EDF1: variants seen among roughly 807,000 people sequenced by gnomAD.
The protein encoded by EDF1 is endothelial differentiation related factor 1, also known as endothelial differentiation-related factor 1.
EDF1 carries 5 observed loss-of-function variants against 20.8 expected under a neutral mutation model. The ratio of observed to expected loss-of-function variants is 0.24; its 90% CI spans 0.13 to 0.51. The LOEUF (loss-of-function observed/expected upper bound fraction) is 0.51, where lower values mean the gene tolerates loss of function less well. Among genes scored for constraint, EDF1 ranks in the 20% least tolerant of loss-of-function variants. The pLI is 0.97. For missense variants in EDF1, 137 were observed against 197.8 expected, an observed-to-expected ratio of 0.69 and a Z score of 1.84; for synonymous variants, 96 against 78.5, an observed-to-expected ratio of 1.22 and a Z score of -1.18.
Position 136,866,284 on chromosome 9 carries a change from G to C in EDF1, c.-26C>G, listed in dbSNP as rs771534389. ...GGCGGGCGAAGACGAGCGTCCGTCC[G>C]GCGGCTCAGCGGCAGCTGCTAGAGA... On this transcript the variant is annotated 5_prime_UTR_variant, in exon 1 of 5. Transcript: ENST00000224073. 4.4e-6 allele frequency: 7 copies of C among 1,592,286 alleles called. No homozygotes were observed. Among genetic ancestry groups the C allele is most frequent in the East Asian group, 2.3e-5 (1 of 42,872 alleles).
At chr9:136,864,385 G>T (rs149268816) in intron 1 of EDF1, among the ~76,000 whole-genome samples, 1 of 151,174 alleles carries the variant, frequency 6.6e-6, no homozygotes, top group Non-Finnish European at 1.5e-5. Flanking sequence ...TAGCTGGTAT[G>T]CGTTAGTGGA....
chr9:136,863,152 C>T lies in EDF1; in HGVS notation c.291+136G>A. On this transcript the variant is annotated intron_variant, in intron 3 of 4. Coordinates refer to ENST00000224073, the MANE Select transcript of EDF1 (RefSeq NM_003792.4). This position sits in a 1 kb window ranked among gnomAD's most constrained non-coding sequence, Gnocchi z 4.5. ...TGTGCGAGAGGCAGTGAGAGCCGGG[C>T]TGACCTGGCTTCCCGAGGCATTCCC... 6.6e-7 allele frequency: 1 copy of T among 1,513,296 alleles called. No individual in the cohort carries two copies. The highest frequency in any genetic ancestry group is 9.0e-7 in the Non-Finnish European group (1 of 1,115,744). The allele number at this position is 1,513,296 out of a possible 1,614,324, so 93.7% of individuals were successfully genotyped here.
Position 136,862,441 on chromosome 9 carries a change from C to T in EDF1, c.386-96G>A, listed in dbSNP as rs762408652. On this transcript the variant is annotated intron_variant, in intron 4 of 4. Coordinates refer to ENST00000224073, the MANE Select transcript of EDF1 (RefSeq NM_003792.4). This position sits in a 1 kb window ranked among gnomAD's most constrained non-coding sequence, Gnocchi z 4.1. The stretch of plus-strand genomic sequence containing the variant: ...ACATCTTCCCAGGGAAGGGGGGCCA[C>T]GCCGCTCCCGTGCCTCACTGGGCTC... 80 of 1,613,484 alleles carry T rather than the reference C, an allele frequency of 5.0e-5. 1 individual carries two copies. In the South Asian group the frequency reaches 7.6e-4, roughly 15 times the overall value.
Position 136,862,899 on chromosome 9 carries a change from C to T in EDF1, c.385+7G>A, listed in dbSNP as rs199674371. On this transcript the variant is annotated splice_region_variant and intron_variant, in intron 4 of 4. Coordinates refer to ENST00000224073, the MANE Select transcript of EDF1 (RefSeq NM_003792.4). The surrounding 1 kb of genome is among the most constrained non-coding windows in gnomAD (Gnocchi z 4.1). Reference sequence around the variant, plus strand: ...GCGGACCCGGCGAAGGGTGGAGGGACACTCACCAATGGCCCGCTCGATTTT... The same window carrying T: ...GCGGACCCGGCGAAGGGTGGAGGGATACTCACCAATGGCCCGCTCGATTTT... 3.1e-6 allele frequency: 5 copies of T among 1,613,368 alleles called. No individual in the cohort carries two copies. In the African/African-American group the frequency reaches 6.7e-5, roughly 21 times the overall value.
chr9:136,863,129 T>G lies in EDF1; in HGVS notation c.292-130A>C. The G allele has an allele frequency of 2.0e-6, 3 of 1,516,970 alleles. No homozygotes were observed. The highest frequency in any genetic ancestry group is 2.7e-6 in the Non-Finnish European group (3 of 1,111,670). 94.0% of individuals were successfully genotyped at this position (1,516,970 alleles called of 1,614,324 possible). A position where few individuals can be genotyped will look rare whatever the true frequency, so the allele number is the denominator to read the frequency against. On this transcript the variant is annotated intron_variant, in intron 3 of 4. Coordinates refer to ENST00000224073, the MANE Select transcript of EDF1 (RefSeq NM_003792.4). The surrounding 1 kb of genome is among the most constrained non-coding windows in gnomAD (Gnocchi z 4.5). ...CGCACCCACACGCAGCTGGGTTTTG[T>G]GCGAGAGGCAGTGAGAGCCGGGCTG...
In EDF1 at chr9:136,862,909, T is replaced by C; in HGVS notation, c.382A>G (p.Ile128Val). The C allele has an allele frequency of 6.2e-7, 1 of 1,613,546 alleles. No individual in the cohort carries two copies. Among genetic ancestry groups the C allele is most frequent in the East Asian group, 2.2e-5 (1 of 44,886 alleles). ...CGAAGGGTGGAGGGACACTCACCAA[T>C]GGCCCGCTCGATTTTGCCAAGCACC... ...NQVLGKIERA[I>V]GLKLRGKDIG... The change falls in exon 4 of 5, where the codon ATT becomes GTT. Residue 128 changes from isoleucine to valine, a missense_variant. Transcript: ENST00000224073. This position sits in a 1 kb window ranked among gnomAD's most constrained non-coding sequence, Gnocchi z 4.1.
chr9:136,862,429 G>A lies in EDF1; in HGVS notation c.386-84C>T. ...TGCCCCTCTTCAACATCTTCCCAGGGAAGGGGGGCCACGCCGCTCCCGTGC... is the reference window on the plus strand; with the variant it reads ...TGCCCCTCTTCAACATCTTCCCAGGAAAGGGGGGCCACGCCGCTCCCGTGC... On this transcript the variant is annotated intron_variant, in intron 4 of 4. Coordinates refer to ENST00000224073, the MANE Select transcript of EDF1 (RefSeq NM_003792.4). This position sits in a 1 kb window ranked among gnomAD's most constrained non-coding sequence, Gnocchi z 4.1. 1.2e-6 allele frequency: 2 copies of A among 1,613,714 alleles called. No individual in the cohort carries two copies. The highest frequency in any genetic ancestry group is 1.7e-6 in the Non-Finnish European group (2 of 1,179,966).
chr9:136,866,052 CT>C, intron 1 of EDF1, 128 bp downstream of exon 1: 2 of 943,928 alleles, frequency 2.1e-6, no homozygotes, highest in Non-Finnish European at 3.0e-6. Flanking sequence ...GCACCCCAGC[CT>C]TGTCCCCGTC....
chr9:136,864,630 CT>C (rs1311238910), intron 1 of EDF1, among the ~76,000 whole-genome samples: 48 of 146,534 alleles, frequency 3.3e-4, no homozygotes, highest in African/African-American at 8.2e-4. Context: ...TATTTATTAA[CT>C]TTTTTTTTTT....
At position 136,862,547 on chromosome 9, in the gene EDF1, A is replaced by C. The variant is rs1588398391; in HGVS notation, c.386-202T>G. 6.3e-7 allele frequency: 1 copy of C among 1,595,146 alleles called. No individual in the cohort carries two copies. Among genetic ancestry groups the C allele is most frequent in the Non-Finnish European group, 8.5e-7 (1 of 1,176,130 alleles). ...TCACCTTAGACAGCAGAGCATGAACACCCCTCTCCGGAAGAACCGGAGCCG... is the reference window on the plus strand; with the variant it reads ...TCACCTTAGACAGCAGAGCATGAACCCCCCTCTCCGGAAGAACCGGAGCCG... On this transcript the variant is annotated intron_variant, in intron 4 of 4. Coordinates refer to ENST00000224073, the MANE Select transcript of EDF1 (RefSeq NM_003792.4). This position sits in a 1 kb window ranked among gnomAD's most constrained non-coding sequence, Gnocchi z 4.1.
In EDF1 at chr9:136,863,977, T is replaced by C; in HGVS notation, c.79-106A>G. ...CAGTTAGCACACTGCTAAGGACTAG[T>C]GGTGCCCAAGGACTGATATGCAGTC... is the stretch of plus-strand genomic sequence containing the variant. On this transcript the variant is annotated intron_variant, in intron 1 of 4. Coordinates refer to ENST00000224073, the MANE Select transcript of EDF1 (RefSeq NM_003792.4). The surrounding 1 kb of genome is among the most constrained non-coding windows in gnomAD (Gnocchi z 4.5). 8.1e-7 allele frequency: 1 copy of C among 1,227,142 alleles called. No homozygotes were observed. The highest frequency in any genetic ancestry group is 1.2e-6 in the Non-Finnish European group (1 of 851,026). 76.0% of individuals were successfully genotyped at this position (1,227,142 alleles called of 1,614,324 possible).
chr9:136,865,827 C>T (rs2131251613), intron 1 of EDF1, among the ~76,000 whole-genome samples: 1 of 147,780 alleles, frequency 6.8e-6, no homozygotes, highest in African/African-American at 2.5e-5. Context: ...TGCCCCTATC[C>T]CCTCCCCGCC....
chr9:136,862,690 A>G lies in EDF1; in HGVS notation c.385+216T>C. 6.7e-7 allele frequency: 1 copy of G among 1,495,086 alleles called. No individual in the cohort carries two copies. The highest frequency in any genetic ancestry group is 8.9e-7 in the Non-Finnish European group (1 of 1,129,346). The allele number at this position is 1,495,086 out of a possible 1,614,324, so 92.6% of individuals were successfully genotyped here. A position where few individuals can be genotyped will look rare whatever the true frequency, so the allele number is the denominator to read the frequency against. ...TGACGGGAACTGGCAAGGGGAAGGG[A>G]CTCGGACTCCACTTGCTCTTAGGGG... On this transcript the variant is annotated intron_variant, in intron 4 of 4. Transcript: ENST00000224073. The surrounding 1 kb of genome is among the most constrained non-coding windows in gnomAD (Gnocchi z 4.1).
At position 136,862,817 on chromosome 9, in the gene EDF1, T is replaced by C; in HGVS notation, c.385+89A>G. The C allele has an allele frequency of 6.2e-6, 10 of 1,610,754 alleles. No homozygotes were observed. Among genetic ancestry groups the C allele is most frequent in the Non-Finnish European group, 8.5e-6 (10 of 1,179,566 alleles). ...ACAGGGGACCCCCAGGGCCATCTTC[T>C]TCCCCCGAGTCCCACTCTCACCAAC... is the stretch of plus-strand genomic sequence containing the variant. On this transcript the variant is annotated intron_variant, in intron 4 of 4. Transcript: ENST00000224073. The surrounding 1 kb of genome is among the most constrained non-coding windows in gnomAD (Gnocchi z 4.1).
At position 136,863,066 on chromosome 9, in the gene EDF1, G is replaced by A. The variant is rs923898054; in HGVS notation, c.292-67C>T. 21 of 1,598,354 alleles carry A rather than the reference G, an allele frequency of 1.3e-5. No individual in the cohort carries two copies. Among genetic ancestry groups the A allele is most frequent in the African/African-American group, 8.0e-5 (6 of 74,700 alleles). On this transcript the variant is annotated intron_variant, in intron 3 of 4. Transcript: ENST00000224073. This position sits in a 1 kb window ranked among gnomAD's most constrained non-coding sequence, Gnocchi z 4.5. ...ACTGCTGCAAAACCAGGCGCGAAGCGTCGCCTGAGAACAGCAGCTTCTAGG... is the reference window on the plus strand; with the variant it reads ...ACTGCTGCAAAACCAGGCGCGAAGCATCGCCTGAGAACAGCAGCTTCTAGG...
intron 1 of EDF1, among the ~76,000 whole-genome samples, chr9:136,865,353 C>T (rs960355139): frequency 1.3e-5 from 2 of 152,060 alleles, no homozygotes; most frequent in Non-Finnish European, 2.9e-5. Flanking sequence ...CTGAAGCAGG[C>T]ACTCTCTACA....
In EDF1 at chr9:136,863,164, C is replaced by G; in HGVS notation, c.291+124G>C. 4 of 1,530,146 alleles carry G rather than the reference C, an allele frequency of 2.6e-6. No individual in the cohort carries two copies. Among genetic ancestry groups the G allele is most frequent in the Non-Finnish European group, 3.5e-6 (4 of 1,131,770 alleles). The allele number at this position is 1,530,146 out of a possible 1,614,324, so 94.8% of individuals were successfully genotyped here. On this transcript the variant is annotated intron_variant, in intron 3 of 4. Transcript: ENST00000224073. This position sits in a 1 kb window ranked among gnomAD's most constrained non-coding sequence, Gnocchi z 4.5. Reference sequence around the variant, plus strand: ...AGTGAGAGCCGGGCTGACCTGGCTTCCCGAGGCATTCCCTGCAGGGGAACC... The same window carrying G: ...AGTGAGAGCCGGGCTGACCTGGCTTGCCGAGGCATTCCCTGCAGGGGAACC...
rs951360320 is a variant in EDF1 at position 136,866,299 on chromosome 9, G to A, written c.-41C>T. On this transcript the variant is annotated 5_prime_UTR_variant, in exon 1 of 5. Transcript: ENST00000224073. Reference sequence around the variant, plus strand: ...GCGTCCGTCCGGCGGCTCAGCGGCAGCTGCTAGAGACCTGGCGCGGCGACG... The same window carrying A: ...GCGTCCGTCCGGCGGCTCAGCGGCAACTGCTAGAGACCTGGCGCGGCGACG... 1 of 1,585,490 alleles carries A rather than the reference G, an allele frequency of 6.3e-7. No homozygotes were observed. The highest frequency in any genetic ancestry group is 1.4e-5 in the African/African-American group (1 of 72,212).
Position 136,862,673 on chromosome 9 carries a change from A to G in EDF1, c.385+233T>C. 1 of 1,490,830 alleles carries G rather than the reference A, an allele frequency of 6.7e-7. No individual in the cohort carries two copies. The highest frequency in any genetic ancestry group is 8.9e-7 in the Non-Finnish European group (1 of 1,126,852). The allele number at this position is 1,490,830 out of a possible 1,614,324, so 92.4% of individuals were successfully genotyped here. On this transcript the variant is annotated intron_variant, in intron 4 of 4. Coordinates refer to ENST00000224073, the MANE Select transcript of EDF1 (RefSeq NM_003792.4). This position sits in a 1 kb window ranked among gnomAD's most constrained non-coding sequence, Gnocchi z 4.1. Reference sequence around the variant, plus strand: ...TCGCCAACAGCACAGGCTGACGGGAACTGGCAAGGGGAAGGGACTCGGACT... The same window carrying G: ...TCGCCAACAGCACAGGCTGACGGGAGCTGGCAAGGGGAAGGGACTCGGACT...
Sources: allele counts gnomAD v4.1 joint callset (sites outside exome capture counted in the v4.1 genomes callset), GRCh38; gene constraint gnomAD v4.1.1; non-coding constraint Gnocchi (gnomAD v3.1); transcripts MANE v1.5; gene names NCBI Gene and HGNC (gene_info 2026-07-23, HGNC 2026-07-21).